ZNF804B: variants seen among roughly 807,000 people sequenced by gnomAD.
ZNF804B encodes zinc finger 804B.
ZNF804B carries 80 observed loss-of-function variants against 101.4 expected under a neutral mutation model. That is an observed-to-expected ratio of 0.79 (90% CI 0.66 to 0.95). The LOEUF is 0.95. Among genes scored for constraint, ZNF804B ranks in the 40% least tolerant of loss-of-function variants. The pLI is 0.00. For missense variants in ZNF804B, 1,673 were observed against 1,561.9 expected, an observed-to-expected ratio of 1.07 and a Z score of -1.20; for synonymous variants, 622 against 558.8, an observed-to-expected ratio of 1.11 and a Z score of -1.59.
intron 1 of ZNF804B, among the ~76,000 whole-genome samples, chr7:89,130,445 G>C (rs1039836055): frequency 2.0e-5 from 3 of 151,934 alleles, no homozygotes; most frequent in Non-Finnish European, 4.4e-5. Flanking sequence ...TGAACCCCAA[G>C]AAGGAACTAG....
chr7:88,891,043 C>T (rs146950613), intron 1 of ZNF804B, among the ~76,000 whole-genome samples: 2,301 of 151,966 alleles, frequency 0.015, 59 homozygotes, highest in African/African-American at 0.052. Flanking sequence ...TTGAAAACAG[C>T]GTTAATTGTT....
chr7:89,214,941 T>C (rs1322314433), intron 1 of ZNF804B, among the ~76,000 whole-genome samples: 1 of 152,214 alleles, frequency 6.6e-6, no homozygotes, highest in Non-Finnish European at 1.5e-5. Context: ...CCCTTTACCA[T>C]TACCTAGCCA....
intron 1 of ZNF804B, among the ~76,000 whole-genome samples, chr7:88,820,861 C>T (rs146816777): frequency 3.9e-3 from 591 of 152,134 alleles, no homozygotes; most frequent in Non-Finnish European, 6.0e-3. Context: ...CTGCATGGGA[C>T]CCCTCAGCAT....
chr7:88,798,372 G>A (rs1790524023), intron 1 of ZNF804B, among the ~76,000 whole-genome samples: 1 of 152,176 alleles, frequency 6.6e-6, no homozygotes, highest in Non-Finnish European at 1.5e-5. Flanking sequence ...CTTCAAAAGA[G>A]TGATAATATC....
chr7:89,046,968 A>G (rs1789118746), intron 1 of ZNF804B, among the ~76,000 whole-genome samples: 2 of 152,166 alleles, frequency 1.3e-5, no homozygotes, highest in South Asian at 4.1e-4. Flanking sequence ...TAACTTAAAT[A>G]ACTTAAATTT....
intron 1 of ZNF804B, among the ~76,000 whole-genome samples, chr7:88,955,123 G>GT (rs1176850505): frequency 6.7e-6 from 1 of 149,424 alleles, no homozygotes; most frequent in Admixed American, 6.7e-5. Flanking sequence ...GGAAAAAAAA[G>GT]TTTTTTTCTT....
chr7:89,187,339 G>A (rs10085679), intron 1 of ZNF804B, among the ~76,000 whole-genome samples: 27,727 of 151,944 alleles, frequency 0.18, 2,581 homozygotes, highest in Admixed American at 0.23. Flanking sequence ...CTCACCAGTC[G>A]ATTGCAAATG....
At chr7:88,990,327 A>G (rs1317467172) in intron 1 of ZNF804B, among the ~76,000 whole-genome samples, 1 of 152,146 alleles carries the variant, frequency 6.6e-6, no homozygotes, top group Non-Finnish European at 1.5e-5. Context: ...AAATAAGTGG[A>G]TTGTATCCTT....
chr7:89,103,362 T>C (rs1790089915), intron 1 of ZNF804B, among the ~76,000 whole-genome samples: 1 of 151,780 alleles, frequency 6.6e-6, no homozygotes, highest in Non-Finnish European at 1.5e-5. Flanking sequence ...CAATGAACAT[T>C]GGGTATTTTT....
chr7:88,888,212 G>A (rs1012790292), intron 1 of ZNF804B, among the ~76,000 whole-genome samples: 1 of 152,034 alleles, frequency 6.6e-6, no homozygotes, highest in Non-Finnish European at 1.5e-5. Context: ...CCAACATGGC[G>A]AAACCCCATC....
intron 1 of ZNF804B, among the ~76,000 whole-genome samples, chr7:88,930,603 G>A (rs372811720): frequency 2.0e-5 from 3 of 151,842 alleles, no homozygotes; most frequent in African/African-American, 7.2e-5. Context: ...CCATTAAAGA[G>A]ACTTATTGGA....
chr7:88,984,329 A>G (rs1793731293), intron 1 of ZNF804B, among the ~76,000 whole-genome samples: 1 of 152,062 alleles, frequency 6.6e-6, no homozygotes, highest in Admixed American at 6.6e-5. Context: ...CTAGATTGCA[A>G]ATGTTACCAT....
chr7:88,798,278 C>T (rs1261887750), intron 1 of ZNF804B, among the ~76,000 whole-genome samples: 1 of 151,962 alleles, frequency 6.6e-6, no homozygotes. Flanking sequence ...TATCTAGATT[C>T]CTCCAATATA....
At chr7:89,077,553 T>C (rs1789633517) in intron 1 of ZNF804B, among the ~76,000 whole-genome samples, 1 of 152,134 alleles carries the variant, frequency 6.6e-6, no homozygotes, top group African/African-American at 2.4e-5. Context: ...AAGAGGAAGA[T>C]AAAACCTTGT....
intron 1 of ZNF804B, among the ~76,000 whole-genome samples, chr7:89,211,711 T>G (rs926370935): frequency 2.6e-5 from 4 of 152,172 alleles, no homozygotes; most frequent in Non-Finnish European, 4.4e-5. Flanking sequence ...ATGTGCCTGT[T>G]TTTATACCAG....
At chr7:89,175,199 T>G (rs1029586079) in intron 1 of ZNF804B, among the ~76,000 whole-genome samples, 3 of 152,098 alleles carry the variant, frequency 2.0e-5, no homozygotes, top group Non-Finnish European at 4.4e-5. Flanking sequence ...TTTCATATTT[T>G]TATGGTTGGA....
intron 2 of ZNF804B, among the ~76,000 whole-genome samples, chr7:89,251,809 A>G (rs902814168): frequency 2.0e-5 from 3 of 152,316 alleles, no homozygotes; most frequent in African/African-American, 7.2e-5. Flanking sequence ...GCAATGGGGA[A>G]AGGACTCTCT....
At chr7:89,076,352 T>C (rs1462874563) in intron 1 of ZNF804B, among the ~76,000 whole-genome samples, 2 of 152,098 alleles carry the variant, frequency 1.3e-5, no homozygotes, top group African/African-American at 2.4e-5. Flanking sequence ...TCATAAGATC[T>C]GATGTTTTTA....
chr7:89,130,563 T>C (rs1859116), intron 1 of ZNF804B, among the ~76,000 whole-genome samples: 77,336 of 151,686 alleles, frequency 0.51, 21,100 homozygotes, highest in African/African-American at 0.72. Flanking sequence ...TTCTGACCCC[T>C]GAAGGTTAGA....
Sources: gnomAD v4.1 joint callset for allele counts (sites outside exome capture counted in the v4.1 genomes callset) on GRCh38, gnomAD v4.1.1 for gene constraint, MANE v1.5 for transcripts, NCBI Gene and HGNC (gene_info 2026-07-23, HGNC 2026-07-21) for gene names.